Variants in IAH1 observed in about 807,000 individuals in gnomAD.
The protein encoded by IAH1 is isoamyl acetate hydrolyzing esterase 1 (putative).
IAH1 carries 24 observed loss-of-function variants against 26.7 expected under a neutral mutation model. The ratio of observed to expected loss-of-function variants is 0.90; its 90% CI spans 0.65 to 1.26. The LOEUF is 1.26. IAH1 is among the 50% of genes most tolerant of loss of function. The probability of loss-of-function intolerance (pLI) is 0.00; values close to 1 mark genes in which losing one functional copy is unlikely to be tolerated. For synonymous variants in IAH1, 140 were observed against 118.5 expected, an observed-to-expected ratio of 1.18 and a Z score of -1.18; for missense variants, 300 against 299.9, an observed-to-expected ratio of 1.00 and a Z score of 0.00.
At chr2:9,476,128 C>A in intron 2 of IAH1, 89 bp downstream of exon 2, 3 of 1,146,300 alleles carry the variant, frequency 2.6e-6, no homozygotes, top group Non-Finnish European at 3.9e-6. Flanking sequence ...CTGAACAGAA[C>A]ATTCCTCCTT....
chr2:9,494,698 T>G, downstream of IAH1: 1 of 1,614,132 alleles, frequency 6.2e-7, no homozygotes, highest in Non-Finnish European at 8.5e-7. Flanking sequence ...GTTCTTTTGT[T>G]CAGCATCGAC....
intron 3 of IAH1, among the ~76,000 whole-genome samples, chr2:9,479,829 T>G (rs1056095955): frequency 5.7e-5 from 5 of 88,302 alleles, no homozygotes; most frequent in Non-Finnish European, 7.1e-5. Context: ...TTTTTTTTTT[T>G]TGACAGTTTC....
the IAH1 span, chr2:9,505,434 G>A: frequency 4.1e-6 from 6 of 1,460,462 alleles, no homozygotes; most frequent in Non-Finnish European, 4.8e-6. Context: ...CAATGTTTGT[G>A]TCTTCTCTAG....
chr2:9,481,636 C>T (rs1406034742), intron 4 of IAH1, among the ~76,000 whole-genome samples, 189 bp downstream of exon 4: 1 of 151,954 alleles, frequency 6.6e-6, no homozygotes, highest in Non-Finnish European at 1.5e-5. Flanking sequence ...CTTTTTTGAC[C>T]TAGAAAAGGG....
At chr2:9,475,164 C>T (rs1156396937) in intron 1 of IAH1, 1 of 1,287,824 alleles carries the variant, frequency 7.8e-7, no homozygotes, top group Non-Finnish European at 1.0e-6. Context: ...AAGGACCATC[C>T]GTTCATCCAA....
chr2:9,496,809 GAC>G (rs1463073380), downstream of IAH1, among the ~76,000 whole-genome samples: 2 of 152,110 alleles, frequency 1.3e-5, no homozygotes, highest in African/African-American at 2.4e-5. Context: ...GGAAGGCTAG[GAC>G]ACACCTCTAC....
chr2:9,476,941 A>G (rs1165295327), intron 2 of IAH1, among the ~76,000 whole-genome samples: 1 of 152,198 alleles, frequency 6.6e-6, no homozygotes, highest in Non-Finnish European at 1.5e-5. Flanking sequence ...TGAGTGCAGC[A>G]GTGTGATCAG....
chr2:9,504,045 G>C, the IAH1 span, among the ~76,000 whole-genome samples: 2 of 151,946 alleles, frequency 1.3e-5, no homozygotes, highest in Non-Finnish European at 2.9e-5. Flanking sequence ...TGTCTATCCG[G>C]GAGGCTGAGG....
intron 3 of IAH1, 39 bp from the exon 4 acceptor site, chr2:9,481,247 A>G: frequency 6.2e-7 from 1 of 1,601,662 alleles, no homozygotes. Context: ...ACTTATAATA[A>G]ATATGCATCT....
Position 9,489,257 on chromosome 2 carries a change from GAATTTTTTTTTTTTTTTTTTTTTTT to G in IAH1, c.*929_*953del. 1.6e-5 allele frequency: 2 copies of G among 121,354 alleles called. No individual in the cohort carries two copies. Among genetic ancestry groups the G allele is most frequent in the Admixed American group, 1.6e-4 (2 of 12,632 alleles). The allele number at this position is 121,354 out of a possible 1,614,324, so 7.5% of individuals were successfully genotyped here. ...TAAATATTCTAGGTTTGTAGATAGT[GAATTTTTTTTTTTTTTTTTTTTTTT>G]TGAGGCAGAGTCTCACTCTGTCACC... On this transcript the variant is annotated 3_prime_UTR_variant, in exon 6 of 6. Transcript: ENST00000497473.
rs184027447 is a variant in IAH1, at chr2:9,479,953, C to T, written c.284-1333C>T. Among the ~76,000 whole-genome samples the T allele has an allele frequency of 1.8e-3, 269 of 151,614 alleles. 1 individual carries two copies. The highest frequency in any genetic ancestry group is 6.1e-3 in the African/African-American group (254 of 41,354). Reference sequence around the variant, plus strand: ...CCTCCCGAGTAGCTGGGATTATAGGCGCTCGCCACCACGCCTGGCTAATTT... The same window carrying T: ...CCTCCCGAGTAGCTGGGATTATAGGTGCTCGCCACCACGCCTGGCTAATTT... On this transcript the variant is annotated intron_variant, in intron 3 of 5. Transcript: ENST00000497473.
At chr2:9,482,210 G>T (rs968143689) in intron 4 of IAH1, among the ~76,000 whole-genome samples, 1 of 151,906 alleles carries the variant, frequency 6.6e-6, no homozygotes, top group Admixed American at 6.6e-5. Context: ...TGCATTTTTA[G>T]TAGAGACGGG....
chr2:9,511,839 T>A, the IAH1 span, among the ~76,000 whole-genome samples: 1 of 151,452 alleles, frequency 6.6e-6, no homozygotes, highest in Non-Finnish European at 1.5e-5. Context: ...GGCATTGTGG[T>A]GGGCGCCTGT....
chr2:9,476,145 T>C, intron 2 of IAH1, 106 bp downstream of exon 2: 1 of 1,013,834 alleles, frequency 9.9e-7, no homozygotes, highest in Non-Finnish European at 1.5e-6. Context: ...CCTTTATTAA[T>C]TTTGCTTGCC....
the IAH1 span, chr2:9,510,150 A>G: frequency 6.2e-7 from 1 of 1,613,734 alleles, no homozygotes; most frequent in Non-Finnish European, 8.5e-7. Context: ...TCATGCAAAG[A>G]AAACATTATT....
At chr2:9,498,779 T>C (rs1323045595), downstream of IAH1, among the ~76,000 whole-genome samples, 1 of 152,258 alleles carries the variant, frequency 6.6e-6, no homozygotes, top group Middle Eastern at 3.2e-3. Context: ...ATCATTATTG[T>C]ATTTTTGGTA....
At chr2:9,492,593 A>G (rs143181226), downstream of IAH1, among the ~76,000 whole-genome samples, 303 of 152,336 alleles carry the variant, frequency 2.0e-3, 5 homozygotes, top group Middle Eastern at 0.027. Context: ...GCTCTTCAAT[A>G]AGGGCTTTAC....
In IAH1 at chr2:9,489,158, T is replaced by C. The variant is rs1558487643; in HGVS notation, c.*829T>C. On this transcript the variant is annotated 3_prime_UTR_variant, in exon 6 of 6. Transcript: ENST00000497473. ...TCACATTCAAAACAACCTGTTTTTTTTGTTGTTGTTGTTGTTAAGAAATAT... is the reference window on the plus strand; with the variant it reads ...TCACATTCAAAACAACCTGTTTTTTCTGTTGTTGTTGTTGTTAAGAAATAT... 2 of 80,914 alleles carry C rather than the reference T, an allele frequency of 2.5e-5. No individual in the cohort carries two copies. 5.0% of individuals were successfully genotyped at this position (80,914 alleles called of 1,614,324 possible).
chr2:9,485,527 G>A (rs12185758), intron 5 of IAH1: 13,766 of 152,430 alleles, frequency 0.09, 717 homozygotes, highest in African/African-American at 0.14. Flanking sequence ...GGTGGAGCGC[G>A]CCTGTAATCC....
Sources: gnomAD v4.1 joint callset for allele counts (sites outside exome capture counted in the v4.1 genomes callset) on GRCh38, gnomAD v4.1.1 for gene constraint, MANE v1.5 for transcripts, NCBI Gene and HGNC (gene_info 2026-07-23, HGNC 2026-07-21) for gene names.